Variants in TMX3 observed in about 807,000 individuals in gnomAD.
TMX3 encodes the protein thioredoxin related transmembrane protein 3.
In TMX3, 40 loss-of-function variants were observed where a neutral mutation model predicts 64.4. That is an observed-to-expected ratio of 0.62 (90% confidence interval 0.48 to 0.81). The LOEUF is 0.81. Among genes scored for constraint, TMX3 ranks in the 30% least tolerant of loss-of-function variants. TMX3 has a pLI of 0.00. For missense variants in TMX3, 497 were observed against 534.5 expected (o/e 0.93, Z 0.69); for synonymous variants, 189 against 175.7 (o/e 1.08, Z -0.60).
intron 7 of TMX3, 57 bp downstream of exon 7, chr18:68,697,875 T>C: frequency 8.9e-7 from 1 of 1,119,386 alleles, no homozygotes; most frequent in South Asian, 1.3e-5. Flanking sequence ...AAGTCTTGAT[T>C]ATAGAGTAAA....
At position 68,675,700 on chromosome 18, in the gene TMX3, A is replaced by C. The variant is rs892235660; in HGVS notation, c.*1233T>G. ...AAACTTAGCTAAAATGAAGGCCTCAAAAATAATTTATCTACAATAAACATA... is the reference window on the plus strand; with the variant it reads ...AAACTTAGCTAAAATGAAGGCCTCACAAATAATTTATCTACAATAAACATA... On this transcript the variant is annotated 3_prime_UTR_variant, in exon 16 of 16. Transcript: ENST00000299608. The C allele has an allele frequency of 6.6e-6, 1 of 152,204 alleles. No individual in the cohort carries two copies. The highest frequency in any genetic ancestry group is 1.5e-5 in the Non-Finnish European group (1 of 68,030). 9.4% of individuals were successfully genotyped at this position (152,204 alleles called of 1,614,324 possible). A position where few individuals can be genotyped will look rare whatever the true frequency, so the allele number is the denominator to read the frequency against.
At chr18:68,689,718 G>C (rs1402705045) in intron 9 of TMX3, 1 of 152,130 alleles carries the variant, frequency 6.6e-6, no homozygotes, top group African/African-American at 2.4e-5. Flanking sequence ...AAGTTTCTCT[G>C]AAGTTCTTTT....
At chr18:68,678,103 T>C (rs896312173) in intron 15 of TMX3, among the ~76,000 whole-genome samples, 1 of 152,060 alleles carries the variant, frequency 6.6e-6, no homozygotes, top group Non-Finnish European at 1.5e-5. Context: ...AGTGGAAGTA[T>C]GGAAACCAGG....
Position 68,681,255 on chromosome 18 carries a change from C to T in TMX3, c.906-145G>A, listed in dbSNP as rs111272233. On this transcript the variant is annotated intron_variant, in intron 13 of 15. Transcript: ENST00000299608. ...TTATGGTAGAAAATGATCAAATAGA[C>T]CTAGTATTTACGTGTATTTTATGCA... The T allele has an allele frequency of 8.9e-3, 6,524 of 733,942 alleles. 39 individuals are homozygous for T. Among genetic ancestry groups the T allele is most frequent in the African/African-American group, 0.017 (929 of 54,268 alleles). 45.5% of individuals were successfully genotyped at this position (733,942 alleles called of 1,614,324 possible).
rs1474422783 is a variant in TMX3 at position 68,691,335 on chromosome 18, A to G, written c.597T>C (p.Ala199=). The G allele has an allele frequency of 1.9e-6, 3 of 1,578,738 alleles. No homozygotes were observed. The highest frequency in any genetic ancestry group is 1.7e-6 in the Non-Finnish European group (2 of 1,159,020). Residue 199 remains alanine, a synonymous_variant, in exon 9 of 16, where the codon GCT becomes GCC. Transcript: ENST00000299608. ...PEYVTLKEMP[A]VLVFKDETYF... is the part of the protein sequence containing the mutation. Reference sequence around the variant, plus strand: ...AAGTTTCATCTTTGAAAACAAGCACAGCTGGCATCTCTTTTAGTGTCACAT... The same window carrying G: ...AAGTTTCATCTTTGAAAACAAGCACGGCTGGCATCTCTTTTAGTGTCACAT...
At chr18:68,687,856 T>G in intron 9 of TMX3, 91 bp from the exon 10 acceptor site, 3 of 843,854 alleles carry the variant, frequency 3.6e-6, no homozygotes, top group Non-Finnish European at 5.4e-6. Context: ...ATAAAACGCC[T>G]GACAGAGAAT....
At chr18:68,696,190 T>C (rs547502275) in intron 8 of TMX3, among the ~76,000 whole-genome samples, 46 of 152,328 alleles carry the variant, frequency 3.0e-4, no homozygotes, top group South Asian at 2.9e-3. Flanking sequence ...CTATTATCAT[T>C]TGAGACAGAG....
intron 4 of TMX3, among the ~76,000 whole-genome samples, chr18:68,707,438 T>C (rs376587406): frequency 6.6e-6 from 1 of 152,302 alleles, no homozygotes; most frequent in East Asian, 1.9e-4. Context: ...TTTTCCCTAA[T>C]CATAGTGCCA....
At chr18:68,687,207 T>A (rs1474649692) in intron 10 of TMX3, 3 of 985,324 alleles carry the variant, frequency 3.0e-6, no homozygotes, top group Non-Finnish European at 3.6e-6. Context: ...CTTACAGCTT[T>A]CATTTTTGTA....
chr18:68,700,254 T>A lies in TMX3; in HGVS notation c.392+151A>T, dbSNP rs1319329568. 6.6e-6 allele frequency: 3 copies of A among 451,268 alleles called. No homozygotes were observed. In the Admixed American group the frequency reaches 1.2e-4, roughly 19 times the overall value. The allele number at this position is 451,268 out of a possible 1,614,324, so 28.0% of individuals were successfully genotyped here. A position where few individuals can be genotyped will look rare whatever the true frequency, so the allele number is the denominator to read the frequency against. ...CTTTAAAGTATTTCTTTGGATACGCTGTATAATCCTATCTTCTCTCATAAG... is the reference window on the plus strand; with the variant it reads ...CTTTAAAGTATTTCTTTGGATACGCAGTATAATCCTATCTTCTCTCATAAG... On this transcript the variant is annotated intron_variant, in intron 6 of 15. Transcript: ENST00000299608.
rs144530877 is a variant in TMX3 at position 68,676,979 on chromosome 18, G to A, written c.1319C>T (p.Pro440Leu). 6.2e-7 allele frequency: 1 copy of A among 1,613,710 alleles called. No individual in the cohort carries two copies. The highest frequency in any genetic ancestry group is 8.5e-7 in the Non-Finnish European group (1 of 1,179,776). Residue 440 changes from proline to leucine, a missense_variant, in exon 16 of 16, where the codon CCT becomes CTT. Pro to Leu is a moderately conservative substitution (Grantham distance 98, BLOSUM62 -3). Transcript: ENST00000299608. ...TACATCCTTGGGCTCCTGCACTGTA[G>A]GCACTACAGATCCTCCACTGCTGGG... Reference protein sequence around the residue: ...QEPSSGGSVVPTVQEPKDVLE... With the variant: ...QEPSSGGSVVLTVQEPKDVLE...
chr18:68,687,604 GATT>G (rs1914087647), intron 10 of TMX3, 60 bp downstream of exon 10: 34 of 1,543,406 alleles, frequency 2.2e-5, no homozygotes, highest in Non-Finnish European at 3.0e-5. Context: ...TACAAAATAA[GATT>G]TTTAAATAAT....
intron 6 of TMX3, 93 bp from the exon 7 acceptor site, chr18:68,698,124 T>A: frequency 1.3e-6 from 1 of 762,174 alleles, no homozygotes; most frequent in Non-Finnish European, 2.1e-6. Context: ...CTCAAGTTAT[T>A]AAGTTTCAAT....
chr18:68,687,795 C>G (rs772161491), intron 9 of TMX3, 30 bp from the exon 10 acceptor site: 1 of 1,540,986 alleles, frequency 6.5e-7, no homozygotes, highest in South Asian at 1.2e-5. Flanking sequence ...TGACAAATTA[C>G]AGTATAAATA....
chr18:68,690,039 A>G (rs530835058), intron 9 of TMX3: 1 of 152,352 alleles, frequency 6.6e-6, no homozygotes, highest in Admixed American at 6.5e-5. Context: ...AAAAATCAGA[A>G]ATGTAGTCTT....
intron 10 of TMX3, among the ~76,000 whole-genome samples, chr18:68,686,116 G>C (rs928668596): frequency 6.6e-6 from 1 of 152,130 alleles, no homozygotes; most frequent in African/African-American, 2.4e-5. Context: ...AAAGACATGA[G>C]GTGTCTGAAG....
intron 15 of TMX3, among the ~76,000 whole-genome samples, chr18:68,677,438 A>G (rs1290808879): frequency 2.0e-5 from 3 of 152,110 alleles, no homozygotes; most frequent in Non-Finnish European, 4.4e-5. Context: ...AAGGCATCAA[A>G]TATTCTACAG....
intron 4 of TMX3, among the ~76,000 whole-genome samples, chr18:68,709,514 AG>A (rs2145138001): frequency 6.6e-6 from 1 of 152,244 alleles, no homozygotes; most frequent in East Asian, 1.9e-4. Flanking sequence ...CTACAGACCA[AG>A]GTTTGCTCAC....
At chr18:68,684,507 C>G in intron 10 of TMX3, 22 bp from the exon 11 acceptor site, 1 of 1,606,208 alleles carries the variant, frequency 6.2e-7, no homozygotes, top group Non-Finnish European at 8.5e-7. Flanking sequence ...AATGACACAT[C>G]TGAATTCAAT....
Sources: allele counts gnomAD v4.1 joint callset (sites outside exome capture counted in the v4.1 genomes callset), GRCh38; gene constraint gnomAD v4.1.1; transcripts MANE v1.5; gene names NCBI Gene and HGNC (gene_info 2026-07-23, HGNC 2026-07-21).